The following EEF1A2 variants were observed in gnomAD, a reference collection of about 807,000 sequenced individuals.
EEF1A2 encodes the protein elongation factor 1-alpha 2.
Under a neutral mutation model 39.3 loss-of-function variants are expected in EEF1A2, and 5 were observed. That is an observed-to-expected ratio of 0.13 (90% CI 0.07 to 0.27). The LOEUF (loss-of-function observed/expected upper bound fraction) is 0.27. Among genes scored for constraint, EEF1A2 ranks in the 10% least tolerant of loss-of-function variants. The probability of loss-of-function intolerance (pLI) is 1.00; values close to 1 mark genes in which losing one functional copy is unlikely to be tolerated. For missense variants in EEF1A2, 218 were observed against 681.4 expected, an observed-to-expected ratio of 0.32 and a Z score of 7.57; for synonymous variants, 287 against 293.7, an observed-to-expected ratio of 0.98 and a Z score of 0.23.
chr20:63,495,223 G>A, intron 3 of EEF1A2, 122 bp from the exon 4 acceptor site: 2 of 1,390,530 alleles, frequency 1.4e-6, no homozygotes, highest in Non-Finnish European at 1.9e-6. Context: ...CAGCCCACTG[G>A]GGCCTTGGGG....
intron 2 of EEF1A2, chr20:63,496,347 C>T (rs761159502): frequency 5.1e-5 from 19 of 369,918 alleles, no homozygotes; most frequent in Non-Finnish European, 7.0e-5. Context: ...AAACCCCTCC[C>T]GGGCGAGGGC....
intron 5 of EEF1A2, among the ~76,000 whole-genome samples, chr20:63,491,879 T>TGGATGGAG: frequency 1.3e-5 from 1 of 75,866 alleles, no homozygotes; most frequent in Admixed American, 1.2e-4. Context: ...GATGGATAGA[T>TGGATGGAG]GGATGGATGG....
At position 63,488,058 on chromosome 20, in the gene EEF1A2, A is replaced by T. The variant is rs943277629; in HGVS notation, c.*240T>A. The T allele has an allele frequency of 3.2e-5, 5 of 155,878 alleles. No homozygotes were observed. Among genetic ancestry groups the T allele is most frequent in the Non-Finnish European group, 7.0e-5 (5 of 71,424 alleles). 9.7% of individuals were successfully genotyped at this position (155,878 alleles called of 1,614,324 possible). The stretch of plus-strand genomic sequence containing the variant: ...GGTAAAACGGGCACTGAGCGTGGCG[A>T]GCGCTGGGCGCGGAAGCCTGGGGCG... On this transcript the variant is annotated 3_prime_UTR_variant, in exon 8 of 8. Coordinates refer to ENST00000217182, the MANE Select transcript of EEF1A2 (RefSeq NM_001958.5).
chr20:63,495,045 G>C lies in EEF1A2; in HGVS notation c.381C>G (p.Ile127Met). The C allele has an allele frequency of 6.2e-7, 1 of 1,612,648 alleles. No individual in the cohort carries two copies. The highest frequency in any genetic ancestry group is 8.5e-7 in the Non-Finnish European group (1 of 1,179,938). Residue 127 changes from isoleucine (I) to methionine (M), a missense_variant, in exon 4 of 8, where the codon ATC (isoleucine) becomes ATG (methionine). Physicochemically the swap from Ile to Met is conservative, Grantham distance 10. Transcript: ENST00000217182. ...GCTCCCGCGTCTGCCCATTCTTGGA[G>C]ATGCCCGCCTCGAACTCGCCCACGC... ...AAGVGEFEAG[I>M]SKNGQTREHA...
rs187233474 is a variant in EEF1A2 at position 63,494,581 on chromosome 20, C to T, written c.621+224G>A. Reference sequence around the variant, plus strand: ...CATCGTAGATGGGCCCTGGCCCCGGCCAGCCGCGTGGGAGGCTGAGTGTAG... The same window carrying T: ...CATCGTAGATGGGCCCTGGCCCCGGTCAGCCGCGTGGGAGGCTGAGTGTAG... On this transcript the variant is annotated intron_variant, in intron 4 of 7. Transcript: ENST00000217182. Among the ~76,000 whole-genome samples, 1,085 of 152,360 alleles carry T rather than the reference C, an allele frequency of 7.1e-3. 6 individuals are homozygous for T. The highest frequency in any genetic ancestry group is 0.01 in the Non-Finnish European group (708 of 68,030).
At position 63,488,209 on chromosome 20, in the gene EEF1A2, G is replaced by A. The variant is rs1437375248; in HGVS notation, c.*89C>T. 42 of 866,348 alleles carry A rather than the reference G, an allele frequency of 4.8e-5. No homozygotes were observed. The African/African-American group carries it at 8.5e-4, about 18-fold the overall frequency. The allele number at this position is 866,348 out of a possible 1,614,324, so 53.7% of individuals were successfully genotyped here. On this transcript the variant is annotated 3_prime_UTR_variant, in exon 8 of 8. Transcript: ENST00000217182. ...GGCGGGGGTGCGGGGCGCCGGACCG[G>A]CGCGCGGGGCGGGGGCGGGGCGGGG...
chr20:63,491,983 T>G (rs1291151499), intron 5 of EEF1A2, among the ~76,000 whole-genome samples: 1 of 120,096 alleles, frequency 8.3e-6, no homozygotes, highest in Non-Finnish European at 1.7e-5. Context: ...GATGGATGGA[T>G]GGATGGATGG....
At chr20:63,496,325 G>A in intron 2 of EEF1A2, 5 of 460,742 alleles carry the variant, frequency 1.1e-5, no homozygotes, top group East Asian at 3.9e-5. Flanking sequence ...GAGCGAAGCC[G>A]CCAGATGGGA....
rs1600907808 is a variant in EEF1A2 at position 63,494,972 on chromosome 20, C to T, written c.454G>A (p.Val152Met). The change falls in exon 4 of 8, where the codon GTG becomes ATG. Residue 152 changes from valine (V) to methionine (M), a missense_variant. Val to Met is a conservative substitution (Grantham distance 21). Transcript: ENST00000217182. ...TLGVKQLIVG[V>M]NKMDSTEPAY... Reference sequence around the variant, plus strand: ...GGCTCTGTGGAGTCCATTTTGTTCACGCCCACGATGAGCTGCTTCACACCC... The same window carrying T: ...GGCTCTGTGGAGTCCATTTTGTTCATGCCCACGATGAGCTGCTTCACACCC... 1.9e-6 allele frequency: 3 copies of T among 1,612,820 alleles called. No individual in the cohort carries two copies. Among genetic ancestry groups the T allele is most frequent in the Non-Finnish European group, 2.5e-6 (3 of 1,179,972 alleles).
Position 63,497,867 on chromosome 20 carries a change from A to T in EEF1A2, c.-71-33T>A. 5 of 1,468,048 alleles carry T rather than the reference A, an allele frequency of 3.4e-6. No homozygotes were observed. Among genetic ancestry groups the T allele is most frequent in the Non-Finnish European group, 4.6e-6 (5 of 1,087,792 alleles). 90.9% of individuals were successfully genotyped at this position (1,468,048 alleles called of 1,614,324 possible). Reference sequence around the variant, plus strand: ...GCCAGTGGTGGTGGGGAGACCGGTGATGGGGAGCCCCAGGGGGAGACACCA... The same window carrying T: ...GCCAGTGGTGGTGGGGAGACCGGTGTTGGGGAGCCCCAGGGGGAGACACCA... On this transcript the variant is annotated intron_variant, in intron 1 of 7. Transcript: ENST00000217182. The surrounding 1 kb of genome is among the most constrained non-coding windows in gnomAD (Gnocchi z 7.3).
chr20:63,492,531 TG>T (rs2082392345), intron 5 of EEF1A2, among the ~76,000 whole-genome samples: 5 of 141,640 alleles, frequency 3.5e-5, no homozygotes, highest in Admixed American at 7.1e-5. Flanking sequence ...GATGGATGGA[TG>T]GAAGGATGGA....
chr20:63,490,354 T>C (rs1212785043), intron 6 of EEF1A2, 125 bp downstream of exon 6: 45 of 1,305,064 alleles, frequency 3.4e-5, no homozygotes, highest in Non-Finnish European at 4.6e-5. Flanking sequence ...CGTGAACCAC[T>C]GCGCCCAGCC....
In EEF1A2 at chr20:63,496,328, A is replaced by G. The variant is rs2082417003; in HGVS notation, c.145-293T>C. 77 of 452,906 alleles carry G rather than the reference A, an allele frequency of 1.7e-4. 1 individual carries two copies. The South Asian group carries it at 2.1e-3, about 12-fold the overall frequency. 28.1% of individuals were successfully genotyped at this position (452,906 alleles called of 1,614,324 possible). A position where few individuals can be genotyped will look rare whatever the true frequency, so the allele number is the denominator to read the frequency against. Reference sequence around the variant, plus strand: ...CGCTCGCTCTACGAGCGAAGCCGCCAGATGGGATAAACCCCTCCCGGGCGA... The same window carrying G: ...CGCTCGCTCTACGAGCGAAGCCGCCGGATGGGATAAACCCCTCCCGGGCGA... On this transcript the variant is annotated intron_variant, in intron 2 of 7. Transcript: ENST00000217182.
intron 7 of EEF1A2, 59 bp from the exon 8 acceptor site, chr20:63,488,484 A>G (rs969880465): frequency 1.5e-6 from 2 of 1,333,664 alleles, no homozygotes; most frequent in African/African-American, 1.6e-5. Context: ...CCCCAACCCC[A>G]GGGCTCTGGC....
rs373075094 is a variant in EEF1A2 at position 63,493,313 on chromosome 20, C to T, written c.622-26G>A. 85 of 1,480,792 alleles carry T rather than the reference C, an allele frequency of 5.7e-5. No individual in the cohort carries two copies. The African/African-American group carries it at 8.4e-4, about 15-fold the overall frequency. The allele number at this position is 1,480,792 out of a possible 1,614,324, so 91.7% of individuals were successfully genotyped here. ...CTGGACCAAAGGGAGAAAATCAATC[C>T]GTTAAGAGACATTGGTGGCCTCCCC... On this transcript the variant is annotated intron_variant, in intron 4 of 7. Transcript: ENST00000217182.
At position 63,488,441 on chromosome 20, in the gene EEF1A2, C is replaced by T. The variant is rs1426591380; in HGVS notation, c.1265-16G>A. 4 of 1,415,946 alleles carry T rather than the reference C, an allele frequency of 2.8e-6. No individual in the cohort carries two copies. Among genetic ancestry groups the T allele is most frequent in the South Asian group, 1.4e-5 (1 of 71,092 alleles). The allele number at this position is 1,415,946 out of a possible 1,614,324, so 87.7% of individuals were successfully genotyped here. ...GCGAAGCGGCCTGGGGGGCGGGGGGCGGCGTGTGGGCGGGGCCGGAGGACT... is the reference window on the plus strand; with the variant it reads ...GCGAAGCGGCCTGGGGGGCGGGGGGTGGCGTGTGGGCGGGGCCGGAGGACT... On this transcript the variant is annotated splice_polypyrimidine_tract_variant and intron_variant, in intron 7 of 7. Coordinates refer to ENST00000217182, the MANE Select transcript of EEF1A2 (RefSeq NM_001958.5).
At chr20:63,492,156 G>GGACA (rs1568995893) in intron 5 of EEF1A2, among the ~76,000 whole-genome samples, 1 of 112 alleles carries the variant, frequency 8.9e-3, no homozygotes, top group Non-Finnish European at 0.015. Context: ...GGAGGTGGAT[G>GGACA]GATGGATGTA....
At chr20:63,488,474 C>T (rs1480108100) in intron 7 of EEF1A2, 49 bp from the exon 8 acceptor site, 4 of 1,362,172 alleles carry the variant, frequency 2.9e-6, no homozygotes, top group Non-Finnish European at 3.8e-6. Context: ...ACTTGACCCC[C>T]CCCAACCCCA....
chr20:63,497,365 C>T lies in EEF1A2; in HGVS notation c.144+255G>A. On this transcript the variant is annotated intron_variant, in intron 2 of 7. Coordinates refer to ENST00000217182, the MANE Select transcript of EEF1A2 (RefSeq NM_001958.5). This position sits in a 1 kb window ranked among gnomAD's most constrained non-coding sequence, Gnocchi z 7.3. ...AGAGTTCCAGAGCCTTCTGCAGACC[C>T]TCCCAGGTCACCTCCCTCACCACAG... The T allele has an allele frequency of 2.2e-6, 1 of 453,606 alleles. No homozygotes were observed. The highest frequency in any genetic ancestry group is 3.9e-6 in the Non-Finnish European group (1 of 259,236). 28.1% of individuals were successfully genotyped at this position (453,606 alleles called of 1,614,324 possible).
Sources: allele counts gnomAD v4.1 joint callset (sites outside exome capture counted in the v4.1 genomes callset), GRCh38; gene constraint gnomAD v4.1.1; non-coding constraint Gnocchi (gnomAD v3.1); transcripts MANE v1.5; gene names NCBI Gene and HGNC (gene_info 2026-07-23, HGNC 2026-07-21).